NOTCH2: variants seen among roughly 807,000 people sequenced by gnomAD.
NOTCH2 encodes neurogenic locus notch homolog protein 2.
A neutral mutation model predicts 235.8 loss-of-function variants in NOTCH2; 29 were observed. The ratio of observed to expected loss-of-function variants is 0.12; its 90% confidence interval spans 0.09 to 0.17. The LOEUF is 0.17. Among genes scored for constraint, NOTCH2 ranks in the 10% least tolerant of loss-of-function variants. NOTCH2 has a pLI of 1.00. For missense variants in NOTCH2, 2,285 were observed against 3,150.2 expected (o/e 0.73, Z 6.57); for synonymous variants, 1,086 against 1,141.5 (o/e 0.95, Z 0.98).
At chr1:119,945,984 A>C (rs1302711338) in intron 17 of NOTCH2, among the ~76,000 whole-genome samples, 1 of 152,112 alleles carries the variant, frequency 6.6e-6, no homozygotes, top group African/African-American at 2.4e-5. Flanking sequence ...AATTACCAAT[A>C]GTAGAAACAA....
intron 22 of NOTCH2, among the ~76,000 whole-genome samples, chr1:119,931,981 T>C (rs587653752): frequency 6.8e-6 from 1 of 147,584 alleles, no homozygotes; most frequent in South Asian, 2.1e-4. Context: ...AAGATATATG[T>C]GTGTATATAT....
intron 11 of NOTCH2, 109 bp from the exon 12 acceptor site, chr1:119,959,611 A>G: frequency 1.4e-6 from 1 of 727,132 alleles, no homozygotes; most frequent in East Asian, 2.6e-5. Context: ...ATTCCAGCCA[A>G]CCCTGGACAG....
Position 119,914,291 on chromosome 1 carries a change from G to T in NOTCH2, c.*1015C>A, listed in dbSNP as rs1292278394. The T allele has an allele frequency of 1.3e-5, 3 of 233,094 alleles. No individual in the cohort carries two copies. The highest frequency in any genetic ancestry group is 6.0e-5 in the East Asian group (1 of 16,592). 14.4% of individuals were successfully genotyped at this position (233,094 alleles called of 1,614,324 possible). A position where few individuals can be genotyped will look rare whatever the true frequency, so the allele number is the denominator to read the frequency against. On this transcript the variant is annotated 3_prime_UTR_variant, in exon 34 of 34. Transcript: ENST00000256646. The stretch of plus-strand genomic sequence containing the variant: ...TGGAATGCTTGGCAGGAAGTAGGGG[G>T]ACCTGTGGGTGGGTAACTGGCTCTT...
Position 120,069,541 on chromosome 1 carries a change from T to C in NOTCH2, c.-135A>G, listed in dbSNP as rs1553218036. On this transcript the variant is annotated 5_prime_UTR_variant, in exon 1 of 34. Coordinates refer to ENST00000256646, the MANE Select transcript of NOTCH2 (RefSeq NM_024408.4). The stretch of plus-strand genomic sequence containing the variant: ...AAAGGCTCAGGCCCTGGCGCTACGC[T>C]CCGAAGCCCAGGCGCAAATGCCTCG... The C allele has an allele frequency of 3.5e-6, 5 of 1,413,274 alleles. No individual in the cohort carries two copies. The South Asian group carries it at 4.5e-5, about 13-fold the overall frequency. The allele number at this position is 1,413,274 out of a possible 1,614,324, so 87.5% of individuals were successfully genotyped here.
At chr1:119,948,305 G>A (rs1056595784) in intron 17 of NOTCH2, 109 bp downstream of exon 17, 10 of 1,132,962 alleles carry the variant, frequency 8.8e-6, no homozygotes, top group Middle Eastern at 2.8e-4. Flanking sequence ...ATAAATGACC[G>A]GTATGCCCAA....
intron 1 of NOTCH2, among the ~76,000 whole-genome samples, chr1:120,064,465 A>G: frequency 6.6e-6 from 1 of 150,812 alleles, no homozygotes; most frequent in Non-Finnish European, 1.5e-5. Flanking sequence ...ATAGAAACAC[A>G]CTCCAACTCA....
chr1:119,921,699 C>A lies in NOTCH2; in HGVS notation c.5310+14G>T. ...TAATGGCTGACAATGGTGGTTCTACCATGGCCACCTCACCTTTACTTTCTT... is the reference window on the plus strand; with the variant it reads ...TAATGGCTGACAATGGTGGTTCTACAATGGCCACCTCACCTTTACTTTCTT... On this transcript the variant is annotated intron_variant, in intron 29 of 33. Transcript: ENST00000256646. The A allele has an allele frequency of 6.2e-7, 1 of 1,609,792 alleles. No homozygotes were observed. The highest frequency in any genetic ancestry group is 2.2e-5 in the East Asian group (1 of 44,868).
intron 21 of NOTCH2, among the ~76,000 whole-genome samples, chr1:119,935,955 A>C (rs1381707182): frequency 6.6e-6 from 1 of 152,178 alleles, no homozygotes; most frequent in Non-Finnish European, 1.5e-5. Context: ...TCCGTATGTG[A>C]TGAGGACCCT....
chr1:119,930,666 C>A (rs1649621236), intron 22 of NOTCH2, among the ~76,000 whole-genome samples: 5 of 151,822 alleles, frequency 3.3e-5, no homozygotes, highest in Admixed American at 2.6e-4. Context: ...GTAATCTCAG[C>A]TACTTGGGAG....
chr1:119,953,724 TAAACGTATGA>T, intron 13 of NOTCH2, 36 bp from the exon 14 acceptor site: 1 of 1,586,338 alleles, frequency 6.3e-7, no homozygotes. Context: ...ATAGGAGGTA[TAAACGTATGA>T]TTGAGTCATA....
At chr1:119,957,130 C>A (rs999657700) in intron 12 of NOTCH2, among the ~76,000 whole-genome samples, 1 of 152,216 alleles carries the variant, frequency 6.6e-6, no homozygotes, top group Admixed American at 6.5e-5. Flanking sequence ...GCGTTTCCTA[C>A]GTGCCAGACA....
chr1:119,963,016 T>C (rs1221187638), intron 11 of NOTCH2, among the ~76,000 whole-genome samples: 2 of 152,150 alleles, frequency 1.3e-5, no homozygotes, highest in East Asian at 3.9e-4. Flanking sequence ...TCTACTTTAG[T>C]TACTGTGGTG....
At chr1:120,034,141 T>TA (rs781852009) in intron 1 of NOTCH2, among the ~76,000 whole-genome samples, 1 of 137,652 alleles carries the variant, frequency 7.3e-6, no homozygotes, top group Admixed American at 7.3e-5. Flanking sequence ...GCTTATAAAG[T>TA]AAAAAAAGAA....
intron 4 of NOTCH2, among the ~76,000 whole-genome samples, chr1:119,987,993 T>C (rs1553202433): frequency 6.6e-6 from 1 of 152,182 alleles, no homozygotes; most frequent in Non-Finnish European, 1.5e-5. Context: ...GCTAATTAAA[T>C]AGAAGACTAC....
intron 26 of NOTCH2, 97 bp downstream of exon 26, chr1:119,923,540 T>C (rs769227764): frequency 3.7e-6 from 4 of 1,073,594 alleles, no homozygotes; most frequent in Non-Finnish European, 5.8e-6. Flanking sequence ...ATTTTTCTGA[T>C]CTTTGCATTT....
intron 24 of NOTCH2, 73 bp downstream of exon 24, chr1:119,926,426 T>G: frequency 8.6e-7 from 1 of 1,163,352 alleles, no homozygotes; most frequent in South Asian, 1.3e-5. Context: ...AAAACCAGGT[T>G]TAATCTCAGT....
rs3222739 is a variant in NOTCH2 at position 119,957,829 on chromosome 1, AACACACACACACACACACACACAC to A, written c.2026+1539_2026+1562del. Among the ~76,000 whole-genome samples the A allele has an allele frequency of 9.4e-4, 109 of 116,498 alleles. 2 individuals are homozygous for A. In the South Asian group the frequency reaches 0.014, roughly 15 times the overall value. 76.4% of individuals were successfully genotyped at this position (116,498 alleles called of 152,430 possible). A position where few individuals can be genotyped will look rare whatever the true frequency, so the allele number is the denominator to read the frequency against. On this transcript the variant is annotated intron_variant, in intron 12 of 33. Transcript: ENST00000256646. Reference sequence around the variant, plus strand: ...ATGAGTCCAGTAGAAGCCTTATATAAACACACACACACACACACACACACACACACACACACACACACACACACA... The same window carrying A: ...ATGAGTCCAGTAGAAGCCTTATATAAACACACACACACACACACACACACA...
At position 119,997,153 on chromosome 1, in the gene NOTCH2, G is replaced by A. The variant is rs1652496023; in HGVS notation, c.595C>T (p.Leu199Phe). 6.2e-7 allele frequency: 1 copy of A among 1,613,902 alleles called. No homozygotes were observed. Among genetic ancestry groups the A allele is most frequent in the African/African-American group, 1.3e-5 (1 of 74,940 alleles). Reference sequence around the variant, plus strand: ...CACTGGTAGGAACCAGGCAGGTTGAGGCAGGTGCCACCATGCTGGCAGTGT... The same window carrying A: ...CACTGGTAGGAACCAGGCAGGTTGAAGCAGGTGCCACCATGCTGGCAGTGT... Reference protein sequence around the residue: ...PGHCQHGGTCLNLPGSYQCQC... With the variant: ...PGHCQHGGTCFNLPGSYQCQC... Residue 199 changes from leucine to phenylalanine, a missense_variant, in exon 4 of 34, where the codon CTC becomes TTC. This residue lies in a region of NOTCH2 where 431 missense variants were observed against 757.8 expected (regional missense o/e 0.57). Coordinates refer to ENST00000256646, the MANE Select transcript of NOTCH2 (RefSeq NM_024408.4).
At position 119,925,549 on chromosome 1, in the gene NOTCH2, C is replaced by A. The variant is rs2101162367; in HGVS notation, c.4267G>T (p.Ala1423Ser). Residue 1423 changes from alanine (A) to serine (S), a missense_variant, in exon 25 of 34, where the codon GCC becomes TCC. Coordinates refer to ENST00000256646, the MANE Select transcript of NOTCH2 (RefSeq NM_024408.4). ...LYTAPPSTPP[A>S]TCLSQYCADK... The stretch of plus-strand genomic sequence containing the variant: ...GCACAATACTGGCTCAGACAGGTGG[C>A]AGGAGGGGTGCTGGGGGGTGCCGTG... 8 of 1,614,132 alleles carry A rather than the reference C, an allele frequency of 5.0e-6. No individual in the cohort carries two copies. The highest frequency in any genetic ancestry group is 6.8e-6 in the Non-Finnish European group (8 of 1,180,030).
Sources: gnomAD v4.1 joint callset for allele counts (sites outside exome capture counted in the v4.1 genomes callset) on GRCh38, gnomAD v4.1.1 for gene constraint, gnomAD v4.1.1 regional missense constraint, MANE v1.5 for transcripts, NCBI Gene and HGNC (gene_info 2026-07-23, HGNC 2026-07-21) for gene names.